The following PDIK1L variants were observed in gnomAD, a reference collection of about 807,000 sequenced individuals.
PDIK1L encodes serine/threonine-protein kinase PDIK1L.
Under a neutral mutation model 27.1 loss-of-function variants are expected in PDIK1L, and 9 were observed. That is an observed-to-expected ratio of 0.33 (90% CI 0.20 to 0.58). The LOEUF is 0.58. PDIK1L is among the 20% of genes least tolerant of loss of function. PDIK1L has a pLI of 0.86. For synonymous variants in PDIK1L, 130 were observed against 141.7 expected (o/e 0.92, Z 0.59); for missense variants, 216 against 413.2 (o/e 0.52, Z 4.14).
At chr1:26,115,641 A>T (rs1201664120) in intron 2 of PDIK1L, among the ~76,000 whole-genome samples, 1 of 152,074 alleles carries the variant, frequency 6.6e-6, no homozygotes, top group Non-Finnish European at 1.5e-5. Context: ...CTCTACTAAA[A>T]ATACAAAAAA....
In PDIK1L at chr1:26,125,487, T is replaced by C. The variant is rs2088061990; in HGVS notation, c.*2910T>C. On this transcript the variant is annotated 3_prime_UTR_variant, in exon 3 of 3. Transcript: ENST00000374269. ...AATTTATAAAAGGGGAAAATGATTG[T>C]AATTTATTGTTCATGACTTTTTTTT... 6.6e-6 allele frequency: 1 copy of C among 152,354 alleles called. No individual in the cohort carries two copies. Among genetic ancestry groups the C allele is most frequent in the East Asian group, 1.9e-4 (1 of 5,202 alleles). The allele number at this position is 152,354 out of a possible 1,614,324, so 9.4% of individuals were successfully genotyped here. A position where few individuals can be genotyped will look rare whatever the true frequency, so the allele number is the denominator to read the frequency against.
At chr1:26,113,427 G>A (rs2087829404) in intron 1 of PDIK1L, among the ~76,000 whole-genome samples, 1 of 150,422 alleles carries the variant, frequency 6.6e-6, no homozygotes, top group Non-Finnish European at 1.5e-5. Flanking sequence ...GGGAGGCGGA[G>A]CTTGCAGTGA....
At chr1:26,113,580 TA>T (rs2087834252) in intron 1 of PDIK1L, among the ~76,000 whole-genome samples, 1 of 149,858 alleles carries the variant, frequency 6.7e-6, no homozygotes, top group African/African-American at 2.4e-5. Flanking sequence ...GGAGATGACA[TA>T]AGAGACAAAA....
chr1:26,112,359 G>C (rs1557592789), intron 1 of PDIK1L: 1 of 152,212 alleles, frequency 6.6e-6, no homozygotes, highest in African/African-American at 2.4e-5. Context: ...GGGAGCGAGG[G>C]CCCGCCACTT....
At chr1:26,112,294 C>G (rs1167372235) in intron 1 of PDIK1L, among the ~76,000 whole-genome samples, 4 of 152,222 alleles carry the variant, frequency 2.6e-5, no homozygotes, top group Non-Finnish European at 5.9e-5. Flanking sequence ...CCTTCCCGGG[C>G]GCCGGCAGGT....
chr1:26,121,708 TTAAA>T, intron 2 of PDIK1L, 125 bp from the exon 3 acceptor site: 3 of 987,816 alleles, frequency 3.0e-6, no homozygotes, highest in Non-Finnish European at 4.2e-6. Flanking sequence ...AAAGCACTGA[TTAAA>T]TAAAATATTT....
rs2088051616 is a variant in PDIK1L at position 26,124,910 on chromosome 1, G to A, written c.*2333G>A. On this transcript the variant is annotated 3_prime_UTR_variant, in exon 3 of 3. Coordinates refer to ENST00000374269, the MANE Select transcript of PDIK1L (RefSeq NM_152835.5). ...CCAGGAGTAAGAAAAGATGGTTAGT[G>A]ATATTTGGAAATACCTGGATATTTG... 6.6e-6 allele frequency: 1 copy of A among 152,358 alleles called. No homozygotes were observed. The highest frequency in any genetic ancestry group is 1.5e-5 in the Non-Finnish European group (1 of 68,006). The allele number at this position is 152,358 out of a possible 1,614,324, so 9.4% of individuals were successfully genotyped here.
At chr1:26,121,270 A>AG (rs2087982622) in intron 2 of PDIK1L, among the ~76,000 whole-genome samples, 1 of 152,222 alleles carries the variant, frequency 6.6e-6, no homozygotes, top group Admixed American at 6.5e-5. Flanking sequence ...TGCCTATAGA[A>AG]GTTTATGAAG....
At position 26,124,189 on chromosome 1, in the gene PDIK1L, CAAAA is replaced by C. The variant is rs1231105089; in HGVS notation, c.*1617_*1620del. The C allele has an allele frequency of 3.3e-5, 5 of 151,890 alleles. No individual in the cohort carries two copies. The highest frequency in any genetic ancestry group is 2.0e-4 in the Admixed American group (3 of 15,214). The allele number at this position is 151,890 out of a possible 1,614,324, so 9.4% of individuals were successfully genotyped here. A position where few individuals can be genotyped will look rare whatever the true frequency, so the allele number is the denominator to read the frequency against. The stretch of plus-strand genomic sequence containing the variant: ...AGAGGAAATAGAATGTAAAACATCA[CAAAA>C]AAAATTGCAGTACATAAAATTTCTG... On this transcript the variant is annotated 3_prime_UTR_variant, in exon 3 of 3. Coordinates refer to ENST00000374269, the MANE Select transcript of PDIK1L (RefSeq NM_152835.5).
At chr1:26,120,813 G>A (rs148851538) in intron 2 of PDIK1L, among the ~76,000 whole-genome samples, 1,742 of 152,200 alleles carry the variant, frequency 0.011, 36 homozygotes, top group African/African-American at 0.039. Flanking sequence ...TTAGCTGGGC[G>A]TGGTGGCACG....
rs375609401 is a variant in PDIK1L at position 26,114,732 on chromosome 1, T to C, written c.285+139T>C. 498 of 977,222 alleles carry C rather than the reference T, an allele frequency of 5.1e-4. 6 individuals carry two copies. In the South Asian group the frequency reaches 8.2e-3, roughly 16 times the overall value. The allele number at this position is 977,222 out of a possible 1,614,324, so 60.5% of individuals were successfully genotyped here. On this transcript the variant is annotated intron_variant, in intron 2 of 2. Coordinates refer to ENST00000374269, the MANE Select transcript of PDIK1L (RefSeq NM_152835.5). This position sits in a 1 kb window ranked among gnomAD's most constrained non-coding sequence, Gnocchi z 4.8. ...GAAGTAGATAAGTGTCTGCCAAGAATTGAGTAGATGTTTGCTTTAAAACAA... is the reference window on the plus strand; with the variant it reads ...GAAGTAGATAAGTGTCTGCCAAGAACTGAGTAGATGTTTGCTTTAAAACAA...
chr1:26,118,130 A>G (rs952556633), intron 2 of PDIK1L, among the ~76,000 whole-genome samples: 8 of 152,052 alleles, frequency 5.3e-5, no homozygotes, highest in South Asian at 2.1e-4. Flanking sequence ...GGCATGATCT[A>G]TTTTGAACTA....
chr1:26,112,834 G>C (rs182196566), intron 1 of PDIK1L, among the ~76,000 whole-genome samples: 13 of 152,326 alleles, frequency 8.5e-5, no homozygotes, highest in African/African-American at 3.1e-4. Context: ...TTTCTAGCCC[G>C]TGGTCACAAT....
At chr1:26,111,583 C>A (rs1207816613), upstream of PDIK1L, among the ~76,000 whole-genome samples, 1 of 151,336 alleles carries the variant, frequency 6.6e-6, no homozygotes, top group Non-Finnish European at 1.5e-5. The surrounding 1 kb of genome is among the most constrained non-coding windows in gnomAD (Gnocchi z 4.0). Context: ...CCTCGCGGTT[C>A]CCGAGCCCGG....
rs1178641916 is a variant in PDIK1L at position 26,125,083 on chromosome 1, A to C, written c.*2506A>C. The C allele has an allele frequency of 6.6e-6, 1 of 152,612 alleles. No individual in the cohort carries two copies. The highest frequency in any genetic ancestry group is 2.4e-5 in the African/African-American group (1 of 41,460). The allele number at this position is 152,612 out of a possible 1,614,324, so 9.5% of individuals were successfully genotyped here. A position where few individuals can be genotyped will look rare whatever the true frequency, so the allele number is the denominator to read the frequency against. On this transcript the variant is annotated 3_prime_UTR_variant, in exon 3 of 3. Coordinates refer to ENST00000374269, the MANE Select transcript of PDIK1L (RefSeq NM_152835.5). The stretch of plus-strand genomic sequence containing the variant: ...AATTGAAAAAAGACCAAATATTTCA[A>C]ATGAGCTTATAGGCAGCTGTGGCCA...
At chr1:26,115,063 A>G (rs942204863) in intron 2 of PDIK1L, among the ~76,000 whole-genome samples, 1 of 152,262 alleles carries the variant, frequency 6.6e-6, no homozygotes, top group Non-Finnish European at 1.5e-5. Flanking sequence ...ACGCAGTTCC[A>G]GTTAATTTTC....
At chr1:26,116,635 T>A (rs1569807218) in intron 2 of PDIK1L, among the ~76,000 whole-genome samples, 2 of 152,360 alleles carry the variant, frequency 1.3e-5, no homozygotes, top group East Asian at 3.9e-4. Context: ...CCTTGTACGA[T>A]GAGCAGTATT....
intron 2 of PDIK1L, among the ~76,000 whole-genome samples, chr1:26,115,055 G>C (rs895347232): frequency 6.6e-6 from 1 of 152,200 alleles, no homozygotes; most frequent in Non-Finnish European, 1.5e-5. Context: ...TCTTCACCAC[G>C]CAGTTCCAGT....
At chr1:26,115,379 G>T (rs1400809062) in intron 2 of PDIK1L, among the ~76,000 whole-genome samples, 1 of 152,224 alleles carries the variant, frequency 6.6e-6, no homozygotes, top group Non-Finnish European at 1.5e-5. Flanking sequence ...TGGGAAAATG[G>T]AAAAGCTTTT....
Sources: gnomAD v4.1 joint callset for allele counts (sites outside exome capture counted in the v4.1 genomes callset) on GRCh38, gnomAD v4.1.1 for gene constraint, Gnocchi (gnomAD v3.1) non-coding constraint, MANE v1.5 for transcripts, NCBI Gene and HGNC (gene_info 2026-07-23, HGNC 2026-07-21) for gene names.